The following CPXM2 variants were observed in gnomAD, a reference collection of about 807,000 sequenced individuals.
CPXM2 encodes the protein carboxypeptidase X, M14 family member 2, also known as inactive carboxypeptidase-like protein X2.
Under a neutral mutation model 86.1 loss-of-function variants are expected in CPXM2, and 66 were observed. The ratio of observed to expected loss-of-function variants is 0.77; its 90% CI spans 0.63 to 0.94. The LOEUF is 0.94. Among genes scored for constraint, CPXM2 ranks in the 40% least tolerant of loss-of-function variants. CPXM2 has a pLI of 0.00. For synonymous variants in CPXM2, 388 were observed against 400.2 expected, an observed-to-expected ratio of 0.97 and a Z score of 0.36; for missense variants, 948 against 1,026.3, an observed-to-expected ratio of 0.92 and a Z score of 1.04.
chr10:123,788,458 G>A (rs1380891190), intron 6 of CPXM2, among the ~76,000 whole-genome samples: 1 of 152,044 alleles, frequency 6.6e-6, no homozygotes, highest in East Asian at 1.9e-4. Context: ...CCCCCTCCAG[G>A]AGGTTGCCTG....
chr10:123,749,113 C>T (rs1430575365), intron 13 of CPXM2, among the ~76,000 whole-genome samples: 1 of 152,146 alleles, frequency 6.6e-6, no homozygotes. Flanking sequence ...AGAAGCAGAG[C>T]ATATTAGGTC....
At chr10:123,909,599 C>A (rs959355151) in intron 2 of CPXM2, among the ~76,000 whole-genome samples, 3 of 152,218 alleles carry the variant, frequency 2.0e-5, no homozygotes, top group African/African-American at 7.2e-5. Flanking sequence ...ATTTCTCTTT[C>A]CATTGTACGG....
In CPXM2 at chr10:123,904,912, A is replaced by ATCTGCATCCTGTGACTTCCCCTC. The variant is rs1184917723; in HGVS notation, n.175-24604_175-24603insGAGGGGAAGTCACAGGATGCAGA. 3.0e-5 allele frequency among the ~76,000 whole-genome samples: 4 copies of ATCTGCATCCTGTGACTTCCCCTC among 131,662 alleles called. 1 individual carries two copies. The highest frequency in any genetic ancestry group is 6.3e-5 in the Non-Finnish European group (4 of 63,988). 86.4% of individuals were successfully genotyped at this position (131,662 alleles called of 152,430 possible). A position where few individuals can be genotyped will look rare whatever the true frequency, so the allele number is the denominator to read the frequency against. Reference sequence around the variant, plus strand: ...ACCTGGAGGGCCCGAGCTCTGCATCACACCTGCATCCTAGTGAGGGATCAG... The same window carrying ATCTGCATCCTGTGACTTCCCCTC: ...ACCTGGAGGGCCCGAGCTCTGCATCATCTGCATCCTGTGACTTCCCCTCCACCTGCATCCTAGTGAGGGATCAG... On this transcript the variant is annotated intron_variant and non_coding_transcript_variant, in intron 2 of 19. Transcript: ENST00000368854.
intron 4 of CPXM2, among the ~76,000 whole-genome samples, chr10:123,816,545 A>G (rs1404584227): frequency 6.6e-6 from 1 of 152,246 alleles, no homozygotes; most frequent in Non-Finnish European, 1.5e-5. Flanking sequence ...GATCTTGGGG[A>G]ATGACAGTGG....
chr10:123,899,353 G>A (rs1417035547), intron 2 of CPXM2, among the ~76,000 whole-genome samples: 4 of 152,126 alleles, frequency 2.6e-5, no homozygotes, highest in African/African-American at 4.8e-5. Flanking sequence ...TAGAAAAATC[G>A]ACCTATGTAA....
intron 6 of CPXM2, among the ~76,000 whole-genome samples, chr10:123,794,407 T>C (rs1847278231): frequency 6.6e-6 from 1 of 152,062 alleles, no homozygotes; most frequent in Admixed American, 6.6e-5. Flanking sequence ...GGATGCTGGG[T>C]GCCAACGCTG....
chr10:123,778,480 G>T (rs1442999446), intron 7 of CPXM2, among the ~76,000 whole-genome samples: 1 of 152,174 alleles, frequency 6.6e-6, no homozygotes, highest in Non-Finnish European at 1.5e-5. Flanking sequence ...TGTCACCCAA[G>T]GGGGCTGCAC....
intron 1 of CPXM2, among the ~76,000 whole-genome samples, chr10:123,883,434 C>T (rs75852142): frequency 0.027 from 4,114 of 152,312 alleles, 113 homozygotes; most frequent in East Asian, 0.11. Context: ...TCAGTTCCCT[C>T]ATCAGTGAAA....
chr10:123,827,945 C>T (rs1231950901), intron 4 of CPXM2, among the ~76,000 whole-genome samples: 1 of 152,072 alleles, frequency 6.6e-6, no homozygotes, highest in African/African-American at 2.4e-5. Flanking sequence ...AGGTGGATTA[C>T]CTAAGCCCAG....
chr10:123,803,881 C>T (rs1000531161), intron 4 of CPXM2, among the ~76,000 whole-genome samples: 1 of 152,062 alleles, frequency 6.6e-6, no homozygotes, highest in Admixed American at 6.6e-5. Context: ...AAGATGGTCT[C>T]GATGTCCTGA....
chr10:123,800,548 C>T (rs1847434885), intron 4 of CPXM2, among the ~76,000 whole-genome samples: 1 of 152,108 alleles, frequency 6.6e-6, no homozygotes, highest in Non-Finnish European at 1.5e-5. Context: ...GCTGCCGTTC[C>T]TTTGCTGCCT....
chr10:123,748,373 A>G (rs1442531738), intron 13 of CPXM2, among the ~76,000 whole-genome samples: 1 of 152,194 alleles, frequency 6.6e-6, no homozygotes, highest in African/African-American at 2.4e-5. Context: ...CGGATGGAAG[A>G]AAACTATGTG....
intron 12 of CPXM2, among the ~76,000 whole-genome samples, chr10:123,755,819 T>C (rs1272445866): frequency 6.6e-6 from 1 of 152,214 alleles, no homozygotes. Flanking sequence ...ATTTTATCCA[T>C]AGGAGGCCCT....
At chr10:123,870,480 G>A (rs4132652) in intron 2 of CPXM2, among the ~76,000 whole-genome samples, 32,422 of 152,100 alleles carry the variant, frequency 0.21, 3,648 homozygotes, top group Middle Eastern at 0.34. Context: ...GAGTAGCTTC[G>A]ACTTAATGGA....
At chr10:123,751,849 GA>G in intron 13 of CPXM2, 1 of 985,236 alleles carries the variant, frequency 1.0e-6, no homozygotes, top group South Asian at 4.7e-5. Flanking sequence ...AATACACTGG[GA>G]AATTATTTAT....
At chr10:123,771,073 T>C (rs2134008378) in intron 7 of CPXM2, 34 bp from the exon 8 acceptor site, 1 of 1,602,766 alleles carries the variant, frequency 6.2e-7, no homozygotes, top group South Asian at 1.1e-5. Context: ...ACTCTAAGCA[T>C]TGATGACGAT....
At chr10:123,943,478 C>T (rs1264986135), upstream of CPXM2, among the ~76,000 whole-genome samples, 3 of 152,178 alleles carry the variant, frequency 2.0e-5, no homozygotes, top group Non-Finnish European at 4.4e-5. Context: ...ATTTGCCAGC[C>T]GTGCAGGGTT....
intron 4 of CPXM2, among the ~76,000 whole-genome samples, chr10:123,806,663 C>T (rs1459787920): frequency 1.3e-5 from 2 of 152,124 alleles, no homozygotes; most frequent in African/African-American, 2.4e-5. Flanking sequence ...CACAGTTCTG[C>T]ATGGCTGGGG....
intron 13 of CPXM2, among the ~76,000 whole-genome samples, chr10:123,748,221 G>C (rs546467099): frequency 6.6e-6 from 1 of 152,206 alleles, no homozygotes; most frequent in African/African-American, 2.4e-5. Flanking sequence ...CTAGTAATCA[G>C]CAGTCTTTCG....
Sources: allele counts gnomAD v4.1 joint callset (sites outside exome capture counted in the v4.1 genomes callset), GRCh38; gene constraint gnomAD v4.1.1; transcripts MANE v1.5; gene names NCBI Gene and HGNC (gene_info 2026-07-23, HGNC 2026-07-21).